RANBP1: variants seen among roughly 807,000 people sequenced by gnomAD.
RANBP1 encodes the protein ran-specific GTPase-activating protein.
RANBP1 carries 16 observed loss-of-function variants against 31.4 expected under a neutral mutation model. The ratio of observed to expected loss-of-function variants is 0.51; its 90% CI spans 0.34 to 0.77. The LOEUF is 0.77. Ranked by LOEUF, RANBP1 falls within the 30% of genes least tolerant of loss-of-function variation. The pLI is 0.01. For synonymous variants in RANBP1, 129 were observed against 140.5 expected, an observed-to-expected ratio of 0.92 and a Z score of 0.58; for missense variants, 265 against 362.0, an observed-to-expected ratio of 0.73 and a Z score of 2.17.
At chr22:20,117,376 T>C (rs2050059693) in intron 1 of RANBP1, 1 of 1,205,044 alleles carries the variant, frequency 8.3e-7, no homozygotes, top group Non-Finnish European at 1.0e-6. Flanking sequence ...GGGCCGGGCA[T>C]GCGCCGCGGG....
intron 1 of RANBP1, 124 bp downstream of exon 1, chr22:20,116,554 G>C: frequency 1.3e-6 from 2 of 1,593,308 alleles, no homozygotes; most frequent in South Asian, 1.1e-5. Context: ...CACCGAGACG[G>C]TAGGGCAGCT....
Position 20,116,209 on chromosome 22 carries a change from A to G in RANBP1, c.25A>G (p.Arg9Gly), listed in dbSNP as rs1435473016. The change falls in exon 1 of 6, where the codon AGG becomes GGG. Residue 9 changes from arginine to glycine, a missense_variant. Physicochemically the swap from Arg to Gly is moderately radical, Grantham distance 125 (BLOSUM62 -2). This residue lies in a region of RANBP1 where 126 missense variants were observed against 123.6 expected (regional missense o/e 1.02). Coordinates refer to ENST00000430524, the MANE Select transcript of RANBP1 (RefSeq NM_001278639.2). The part of the protein sequence containing the change: MGSALGRA[R>G]RTLSGRPFQR... ...CATGGGGTCGGCCTTGGGCCGGGCCAGGCGCACACTGAGTGGGCGGCCTTT... is the reference window on the plus strand; with the variant it reads ...CATGGGGTCGGCCTTGGGCCGGGCCGGGCGCACACTGAGTGGGCGGCCTTT... The G allele has an allele frequency of 1.9e-6, 3 of 1,612,970 alleles. No individual in the cohort carries two copies. The highest frequency in any genetic ancestry group is 2.5e-6 in the Non-Finnish European group (3 of 1,179,992).
chr22:20,118,023 T>G, intron 1 of RANBP1: 1 of 992,994 alleles, frequency 1.0e-6, no homozygotes, highest in Non-Finnish European at 1.2e-6. Context: ...ACTAGTACGG[T>G]GCATTTATTC....
intron 3 of RANBP1, chr22:20,125,079 A>G: frequency 1.9e-6 from 1 of 526,952 alleles, no homozygotes; most frequent in Non-Finnish European, 3.4e-6. Context: ...GCCCATTCCT[A>G]TTTAGGATGG....
At chr22:20,121,734 G>A (rs1242598992) in intron 2 of RANBP1, among the ~76,000 whole-genome samples, 1 of 151,994 alleles carries the variant, frequency 6.6e-6, no homozygotes, top group Non-Finnish European at 1.5e-5. Context: ...TGTAGAGATA[G>A]TGTCTTGCTA....
intron 1 of RANBP1, chr22:20,117,697 C>A (rs988827483): frequency 2.2e-5 from 2 of 89,296 alleles, no homozygotes; most frequent in Non-Finnish European, 2.7e-5. Context: ...ACAGGGTGGG[C>A]GGGCGGGGCC....
At chr22:20,123,400 TGTTGTCTGGG>T (rs1227126819) in intron 3 of RANBP1, among the ~76,000 whole-genome samples, 785 of 59,626 alleles carry the variant, frequency 0.013, 28 homozygotes, top group South Asian at 0.058. Flanking sequence ...TTGGGGTGTG[TGTTGTCTGGG>T]GGTGTTGGGG....
At chr22:20,116,788 G>A (rs1320839086) in intron 1 of RANBP1, 3 of 1,422,220 alleles carry the variant, frequency 2.1e-6, no homozygotes, top group Non-Finnish European at 2.9e-6. Context: ...TATCGCACCT[G>A]CCTCGTCCCC....
intron 4 of RANBP1, 24 bp from the exon 5 acceptor site, chr22:20,126,279 A>C (rs768019740): frequency 6.2e-7 from 1 of 1,607,118 alleles, no homozygotes; most frequent in Admixed American, 1.7e-5. Flanking sequence ...AGCTCTTAGG[A>C]AGTCTTCGCT....
At chr22:20,126,470 AG>A in intron 5 of RANBP1, 102 bp downstream of exon 5, 1 of 1,604,406 alleles carries the variant, frequency 6.2e-7, no homozygotes, top group African/African-American at 1.3e-5. Flanking sequence ...TAAACATTCC[AG>A]GGTGCTGTGG....
intron 3 of RANBP1, among the ~76,000 whole-genome samples, chr22:20,123,479 G>A (rs1167142331): frequency 2.2e-5 from 3 of 139,054 alleles, no homozygotes; most frequent in East Asian, 2.3e-4. Flanking sequence ...GAGGGGGTGC[G>A]GTATCGCGGT....
chr22:20,121,041 C>T (rs907708619), intron 2 of RANBP1, among the ~76,000 whole-genome samples: 12 of 152,246 alleles, frequency 7.9e-5, no homozygotes, highest in African/African-American at 2.9e-4. Flanking sequence ...GCAACCTCTG[C>T]CTCCCAGGTT....
intron 3 of RANBP1, among the ~76,000 whole-genome samples, chr22:20,123,138 G>T (rs117243758): frequency 1.5e-5 from 2 of 137,580 alleles, no homozygotes; most frequent in African/African-American, 5.5e-5. Flanking sequence ...GTGTGGTCTG[G>T]GGGGCTGTGT....
intron 2 of RANBP1, among the ~76,000 whole-genome samples, chr22:20,119,956 C>T (rs528693112): frequency 6.6e-6 from 1 of 152,362 alleles, no homozygotes; most frequent in East Asian, 1.9e-4. Context: ...GGGTACCAGC[C>T]TTGTGTCTTG....
intron 2 of RANBP1, among the ~76,000 whole-genome samples, chr22:20,121,249 GCT>G (rs1315173094): frequency 1.3e-4 from 20 of 151,744 alleles, no homozygotes; most frequent in Admixed American, 1.3e-3. Flanking sequence ...CCCCGCGCCT[GCT>G]CTCTCTTTTT....
At position 20,122,261 on chromosome 22, in the gene RANBP1, C is replaced by T. The variant is rs1172285788; in HGVS notation, c.384-3C>T. 3 of 1,612,044 alleles carry T rather than the reference C, an allele frequency of 1.9e-6. No individual in the cohort carries two copies. Among genetic ancestry groups the T allele is most frequent in the African/African-American group, 1.3e-5 (1 of 75,036 alleles). ...ACTCTTAACCTCACGGCTTTTCTTG[C>T]AGGCGGGCAAAACTGTTCCGATTTG... On this transcript the variant is annotated splice_polypyrimidine_tract_variant and splice_region_variant and intron_variant, in intron 2 of 5. Transcript: ENST00000430524.
chr22:20,118,205 C>T (rs2050090143), intron 1 of RANBP1: 1 of 1,002,436 alleles, frequency 1.0e-6, no homozygotes, highest in African/African-American at 1.7e-5. Flanking sequence ...GCTGCAGAGC[C>T]GCAGTGCTGT....
At chr22:20,119,230 CTT>C (rs1172453523) in intron 2 of RANBP1, 81 bp downstream of exon 2, 15 of 1,385,786 alleles carry the variant, frequency 1.1e-5, no homozygotes, top group Non-Finnish European at 1.4e-5. Context: ...TTTGGCCTGA[CTT>C]TTAATCAGAC....
chr22:20,121,913 A>G (rs758251175), intron 2 of RANBP1, among the ~76,000 whole-genome samples: 6 of 149,490 alleles, frequency 4.0e-5, no homozygotes, highest in Non-Finnish European at 5.9e-5. Flanking sequence ...TGATTTTTGT[A>G]TTTGTAGTAG....
Sources: gnomAD v4.1 joint callset for allele counts (sites outside exome capture counted in the v4.1 genomes callset) on GRCh38, gnomAD v4.1.1 for gene constraint, gnomAD v4.1.1 regional missense constraint, MANE v1.5 for transcripts, NCBI Gene and HGNC (gene_info 2026-07-23, HGNC 2026-07-21) for gene names.